The following KPNA3 variants were observed in gnomAD, a reference collection of about 807,000 sequenced individuals.
The protein encoded by KPNA3 is importin subunit alpha-4.
KPNA3 carries 13 observed loss-of-function variants against 73.8 expected under a neutral mutation model. That is an observed-to-expected ratio of 0.18 (90% confidence interval 0.11 to 0.28). The LOEUF (loss-of-function observed/expected upper bound fraction) is 0.28, where lower values mean the gene tolerates loss of function less well. KPNA3 is among the 10% of genes least tolerant of loss of function. The pLI is 1.00. For missense variants in KPNA3, 360 were observed against 618.1 expected (o/e 0.58, Z 4.43); for synonymous variants, 186 against 206.9 (o/e 0.90, Z 0.87).
chr13:49,782,169 G>A (rs1050730490), intron 1 of KPNA3, among the ~76,000 whole-genome samples: 27 of 152,164 alleles, frequency 1.8e-4, no homozygotes, highest in African/African-American at 6.3e-4. Context: ...GATAGCCAAT[G>A]GCAGAAAAGT....
At chr13:49,745,875 A>G (rs1206203672) in intron 2 of KPNA3, among the ~76,000 whole-genome samples, 1 of 151,094 alleles carries the variant, frequency 6.6e-6, no homozygotes, top group South Asian at 2.1e-4. Context: ...CATCCTGGCT[A>G]ACACGGTGAA....
chr13:49,789,375 A>T (rs1010939074), intron 1 of KPNA3, among the ~76,000 whole-genome samples: 1 of 152,150 alleles, frequency 6.6e-6, no homozygotes, highest in African/African-American at 2.4e-5. Context: ...GATCTCTTAA[A>T]GTCTCTCTCG....
At chr13:49,769,246 A>G (rs1954834230) in intron 1 of KPNA3, among the ~76,000 whole-genome samples, 1 of 152,208 alleles carries the variant, frequency 6.6e-6, no homozygotes, top group Non-Finnish European at 1.5e-5. Flanking sequence ...AATTTATGCT[A>G]CTATTAGGTG....
chr13:49,777,804 C>T lies in KPNA3; in HGVS notation c.69+14634G>A, dbSNP rs138435984. Reference sequence around the variant, plus strand: ...GAGATTACGGGCATGAGCCACATGCCTGGCCCGTATTATTTTTTAGTAAAA... The same window carrying T: ...GAGATTACGGGCATGAGCCACATGCTTGGCCCGTATTATTTTTTAGTAAAA... On this transcript the variant is annotated intron_variant, in intron 1 of 16. Transcript: ENST00000261667. Among the ~76,000 whole-genome samples, 1,049 of 152,210 alleles carry T rather than the reference C, an allele frequency of 6.9e-3. 8 individuals are homozygous for T. The highest frequency in any genetic ancestry group is 0.021 in the African/African-American group (882 of 41,530).
intron 2 of KPNA3, among the ~76,000 whole-genome samples, chr13:49,743,979 C>CA (rs1954595294): frequency 6.6e-6 from 1 of 151,952 alleles, no homozygotes; most frequent in Non-Finnish European, 1.5e-5. Flanking sequence ...AAAATCCAGA[C>CA]AAAAAAGGAC....
chr13:49,719,913 G>T (rs962164224), intron 9 of KPNA3, 94 bp from the exon 10 acceptor site: 3 of 786,248 alleles, frequency 3.8e-6, no homozygotes, highest in Admixed American at 2.3e-5. Context: ...AATATGGTTT[G>T]TAGGGCGAGA....
intron 1 of KPNA3, among the ~76,000 whole-genome samples, chr13:49,774,275 T>A (rs1954878669): frequency 6.6e-6 from 1 of 152,018 alleles, no homozygotes; most frequent in South Asian, 2.1e-4. Context: ...ATGGATTCTT[T>A]AAAAAGAGAA....
intron 2 of KPNA3, among the ~76,000 whole-genome samples, chr13:49,735,156 CTT>C (rs1476207754): frequency 2.0e-5 from 3 of 152,186 alleles, no homozygotes; most frequent in East Asian, 1.9e-4. Flanking sequence ...AGTTTTTGCT[CTT>C]GTTGCCCAGG....
At chr13:49,734,272 A>G (rs1566343927) in intron 2 of KPNA3, among the ~76,000 whole-genome samples, 1 of 152,218 alleles carries the variant, frequency 6.6e-6, no homozygotes, top group Non-Finnish European at 1.5e-5. Context: ...TATACTCAAT[A>G]TATTCAATAT....
Position 49,701,385 on chromosome 13 carries a change from C to A in KPNA3, c.*415G>T. On this transcript the variant is annotated 3_prime_UTR_variant, in exon 17 of 17. Transcript: ENST00000261667. ...GATGGAGGCTCAGATCACACTGCAC[C>A]TCTTTAGTCTTCCAACTTGTATATG... 1 of 402,106 alleles carries A rather than the reference C, an allele frequency of 2.5e-6. No individual in the cohort carries two copies. Among genetic ancestry groups the A allele is most frequent in the South Asian group, 1.9e-5 (1 of 52,136 alleles). The allele number at this position is 402,106 out of a possible 1,614,324, so 24.9% of individuals were successfully genotyped here. A position where few individuals can be genotyped will look rare whatever the true frequency, so the allele number is the denominator to read the frequency against.
chr13:49,766,343 A>C (rs1006313024), intron 1 of KPNA3, among the ~76,000 whole-genome samples: 5 of 152,178 alleles, frequency 3.3e-5, no homozygotes, highest in African/African-American at 1.2e-4. Flanking sequence ...AAAATGATTC[A>C]ATCATCTTAA....
At chr13:49,704,025 T>G (rs1954176744) in intron 15 of KPNA3, among the ~76,000 whole-genome samples, 1 of 152,210 alleles carries the variant, frequency 6.6e-6, no homozygotes, top group Admixed American at 6.5e-5. Context: ...TTTTTAATTA[T>G]CTTAATAGTA....
chr13:49,788,970 C>G (rs1594467495), intron 1 of KPNA3, among the ~76,000 whole-genome samples: 1 of 152,094 alleles, frequency 6.6e-6, no homozygotes, highest in African/African-American at 2.4e-5. Context: ...GGAGGAAGAA[C>G]AGCATCATCA....
intron 1 of KPNA3, among the ~76,000 whole-genome samples, chr13:49,770,515 C>T (rs1403597056): frequency 1.3e-5 from 2 of 151,918 alleles, no homozygotes; most frequent in Non-Finnish European, 2.9e-5. Context: ...TTTTGAAGTA[C>T]AAAATATTTT....
At chr13:49,724,981 T>A (rs1954396241) in intron 7 of KPNA3, among the ~76,000 whole-genome samples, 1 of 152,198 alleles carries the variant, frequency 6.6e-6, no homozygotes, top group African/African-American at 2.4e-5. Context: ...TTACCACACC[T>A]AAAATTAGCT....
chr13:49,746,416 T>A (rs1363502162), intron 2 of KPNA3, among the ~76,000 whole-genome samples: 1 of 152,144 alleles, frequency 6.6e-6, no homozygotes, highest in African/African-American at 2.4e-5. Flanking sequence ...AGGTCAAGGC[T>A]GCAGTGAGCC....
At chr13:49,729,075 A>G (rs1007750463) in intron 6 of KPNA3, among the ~76,000 whole-genome samples, 21 of 152,234 alleles carry the variant, frequency 1.4e-4, no homozygotes, top group African/African-American at 5.1e-4. Context: ...ATCACTTACA[A>G]AAGTGTCTTG....
chr13:49,741,515 G>A (rs1378871722), intron 2 of KPNA3, among the ~76,000 whole-genome samples: 4 of 150,248 alleles, frequency 2.7e-5, no homozygotes, highest in Middle Eastern at 3.5e-3. Context: ...GTGCAGTGGC[G>A]TGATCTCGGC....
At chr13:49,766,865 T>A (rs1954811656) in intron 1 of KPNA3, among the ~76,000 whole-genome samples, 1 of 152,014 alleles carries the variant, frequency 6.6e-6, no homozygotes, top group African/African-American at 2.4e-5. Context: ...TTCCACTGCG[T>A]TAATATTACA....
Sources: allele counts gnomAD v4.1 joint callset (sites outside exome capture counted in the v4.1 genomes callset), GRCh38; gene constraint gnomAD v4.1.1; transcripts MANE v1.5; gene names NCBI Gene and HGNC (gene_info 2026-07-23, HGNC 2026-07-21).